The following FAT1 variants were observed in gnomAD, a reference collection of about 807,000 sequenced individuals.
FAT1 encodes FAT atypical cadherin 1.
A neutral mutation model predicts 329.8 loss-of-function variants in FAT1; 171 were observed. That is an observed-to-expected ratio of 0.52 (90% CI 0.46 to 0.59). The LOEUF is 0.59. Ranked by LOEUF, FAT1 falls within the 20% of genes least tolerant of loss-of-function variation. FAT1 has a pLI of 0.00. For missense variants in FAT1, 5,672 were observed against 5,774.4 expected (o/e 0.98, Z 0.57); for synonymous variants, 2,233 against 2,228.6 (o/e 1.00, Z -0.06).
intron 2 of FAT1, among the ~76,000 whole-genome samples, chr4:186,705,140 T>C (rs1285236730): frequency 6.7e-6 from 1 of 149,616 alleles, no homozygotes; most frequent in Non-Finnish European, 1.5e-5. Context: ...GGAACGAGGT[T>C]TTGCTGTTAC....
Position 186,603,939 on chromosome 4 carries a change from T to C in FAT1, c.10587A>G (p.Thr3529=), listed in dbSNP as rs369863312. The part of the protein sequence containing the change: ...DNGKPQLSSL[T]YIDIRVIEES... Reference sequence around the variant, plus strand: ...CCTCAATTACCCTAATGTCAATGTATGTCAAAGATGACAACTGAGGCTTTC... The same window carrying C: ...CCTCAATTACCCTAATGTCAATGTACGTCAAAGATGACAACTGAGGCTTTC... The change falls in exon 19 of 27, where the codon ACA becomes ACG. Residue 3529 remains threonine, a synonymous_variant. Coordinates refer to ENST00000441802, the MANE Select transcript of FAT1 (RefSeq NM_005245.4). The C allele has an allele frequency of 1.2e-6, 2 of 1,613,842 alleles. No individual in the cohort carries two copies. The highest frequency in any genetic ancestry group is 1.3e-5 in the African/African-American group (1 of 75,042).
At chr4:186,633,093 A>G (rs1740665199) in intron 7 of FAT1, among the ~76,000 whole-genome samples, 1 of 152,190 alleles carries the variant, frequency 6.6e-6, no homozygotes, top group Non-Finnish European at 1.5e-5. Flanking sequence ...TTCCTTCTGT[A>G]CACTCCAAAC....
chr4:186,614,682 C>T (rs959994832), intron 11 of FAT1, among the ~76,000 whole-genome samples: 22 of 152,152 alleles, frequency 1.4e-4, no homozygotes, highest in East Asian at 7.7e-4. Flanking sequence ...AGTAGTGCTC[C>T]GTATTTACCT....
intron 1 of FAT1, among the ~76,000 whole-genome samples, chr4:186,714,910 T>C (rs1745137061): frequency 6.6e-6 from 1 of 151,882 alleles, no homozygotes; most frequent in Non-Finnish European, 1.5e-5. Context: ...AAACCCTGTC[T>C]CTACTAAAAA....
chr4:186,596,923 A>C lies in FAT1; in HGVS notation c.12617T>G (p.Ile4206Ser). Residue 4206 changes from isoleucine (I) to serine (S), a missense_variant, in exon 25 of 27, where the codon ATT (isoleucine) becomes AGT (serine). Physicochemically the swap from Ile to Ser is moderately radical, Grantham distance 142. Transcript: ENST00000441802. The surrounding 1 kb of genome is among the most constrained non-coding windows in gnomAD (Gnocchi z 4.7). Reference sequence around the variant, plus strand: ...AGCCTGATGCTTCTTTTTCCGACTAATCATCTTACGGCAGAGAACAAACAC... The same window carrying C: ...AGCCTGATGCTTCTTTTTCCGACTACTCATCTTACGGCAGAGAACAAACAC... ...VVVFVLCRKMISRKKKHQAEP... is the reference protein window; with the variant it reads ...VVVFVLCRKMSSRKKKHQAEP... 6.2e-7 allele frequency: 1 copy of C among 1,613,988 alleles called. No homozygotes were observed. Among genetic ancestry groups the C allele is most frequent in the Non-Finnish European group, 8.5e-7 (1 of 1,179,884 alleles).
At chr4:186,622,164 C>T (rs771441611) in intron 9 of FAT1, among the ~76,000 whole-genome samples, 6 of 152,178 alleles carry the variant, frequency 3.9e-5, no homozygotes, top group African/African-American at 1.2e-4. Context: ...GTATTTTCAA[C>T]GGTTATGACT....
intron 11 of FAT1, among the ~76,000 whole-genome samples, chr4:186,614,692 T>C (rs546060749): frequency 7.2e-5 from 11 of 152,350 alleles, no homozygotes; most frequent in African/African-American, 2.6e-4. Flanking sequence ...CGTATTTACC[T>C]AAAAACTGCA....
intron 20 of FAT1, 108 bp from the exon 21 acceptor site, chr4:186,601,534 T>G (rs749636690): frequency 1.6e-4 from 136 of 842,090 alleles, no homozygotes; most frequent in Non-Finnish European, 2.3e-4. Context: ...TTATTTAAGA[T>G]GATAACATTT....
At chr4:186,602,330 A>C (rs998954056) in intron 20 of FAT1, among the ~76,000 whole-genome samples, 5 of 152,242 alleles carry the variant, frequency 3.3e-5, no homozygotes, top group Non-Finnish European at 5.9e-5. Flanking sequence ...TTGAGATAGC[A>C]AATTCTAGTT....
chr4:186,615,189 G>GCTA (rs963402191), intron 11 of FAT1, among the ~76,000 whole-genome samples: 6 of 122,636 alleles, frequency 4.9e-5, no homozygotes, highest in Non-Finnish European at 9.0e-5. Flanking sequence ...ATATCAAAGG[G>GCTA]CTAAAAAACA....
upstream of FAT1, among the ~76,000 whole-genome samples, chr4:186,725,078 T>C (rs2126729952): frequency 6.6e-6 from 1 of 152,100 alleles, no homozygotes; most frequent in Middle Eastern, 3.4e-3. This position sits in a 1 kb window ranked among gnomAD's most constrained non-coding sequence, Gnocchi z 5.4. Flanking sequence ...AGCCCTATAT[T>C]CCCTGCCCAC....
chr4:186,635,263 A>G (rs1740774054), intron 6 of FAT1, among the ~76,000 whole-genome samples: 1 of 152,230 alleles, frequency 6.6e-6, no homozygotes, highest in Middle Eastern at 3.4e-3. Flanking sequence ...ATCGCAACAG[A>G]GACTCTTGTT....
rs1739936672 is a variant in FAT1, at chr4:186,619,807, A to G, written c.6779T>C (p.Leu2260Ser). The change falls in exon 10 of 27, where the codon TTG (leucine) becomes TCG (serine). Residue 2260 changes from leucine (L) to serine (S), a missense_variant. Coordinates refer to ENST00000441802, the MANE Select transcript of FAT1 (RefSeq NM_005245.4). ...AAATACTTCAGCATGAGCGCCCGTCAAGGAGTCAGTTGCGCGTATGCTCAG... is the reference window on the plus strand; with the variant it reads ...AAATACTTCAGCATGAGCGCCCGTCGAGGAGTCAGTTGCGCGTATGCTCAG... ...YKLSIRATDS[L>S]TGAHAEVFVD... is the part of the protein sequence containing the mutation. The G allele has an allele frequency of 6.2e-7, 1 of 1,613,914 alleles. No individual in the cohort carries two copies. The highest frequency in any genetic ancestry group is 1.3e-5 in the African/African-American group (1 of 74,932).
intron 13 of FAT1, among the ~76,000 whole-genome samples, chr4:186,612,816 T>C (rs1579318777): frequency 6.6e-6 from 1 of 152,234 alleles, no homozygotes; most frequent in East Asian, 1.9e-4. Flanking sequence ...CAATGGTTTA[T>C]TGACAAAATA....
At chr4:186,692,931 C>T (rs889722193) in intron 2 of FAT1, among the ~76,000 whole-genome samples, 2 of 152,162 alleles carry the variant, frequency 1.3e-5, no homozygotes, top group Admixed American at 6.5e-5. Context: ...TTTAGAAACA[C>T]GATAACTGGA....
upstream of FAT1, among the ~76,000 whole-genome samples, chr4:186,724,081 A>G (rs1460381816): frequency 6.8e-6 from 1 of 147,376 alleles, no homozygotes; most frequent in Non-Finnish European, 1.5e-5. This position sits in a 1 kb window ranked among gnomAD's most constrained non-coding sequence, Gnocchi z 5.3. Flanking sequence ...TCCGAGGGGC[A>G]GGGCGAGGCT....
intron 2 of FAT1, among the ~76,000 whole-genome samples, chr4:186,687,775 A>G (rs1214961150): frequency 1.3e-5 from 2 of 152,226 alleles, no homozygotes; most frequent in Non-Finnish European, 2.9e-5. Context: ...TCTAAAAATC[A>G]CATTCTTTAA....
chr4:186,638,237 T>C (rs944829844), intron 4 of FAT1, among the ~76,000 whole-genome samples: 1 of 152,204 alleles, frequency 6.6e-6, no homozygotes. Flanking sequence ...CATGTCCAAA[T>C]ATGACTTTCA....
At chr4:186,645,538 C>T (rs1018339068) in intron 3 of FAT1, among the ~76,000 whole-genome samples, 3 of 150,800 alleles carry the variant, frequency 2.0e-5, no homozygotes, top group South Asian at 4.2e-4. Flanking sequence ...AAGTTGCTTA[C>T]TCAACGTCAT....
Sources: allele counts gnomAD v4.1 joint callset (sites outside exome capture counted in the v4.1 genomes callset), GRCh38; gene constraint gnomAD v4.1.1; non-coding constraint Gnocchi (gnomAD v3.1); transcripts MANE v1.5; gene names NCBI Gene and HGNC (gene_info 2026-07-23, HGNC 2026-07-21).